CATSPERB: variants seen among roughly 807,000 people sequenced by gnomAD.
The protein encoded by CATSPERB is catsper channel auxiliary subunit beta.
In CATSPERB, 93 loss-of-function variants were observed where a neutral mutation model predicts 128.3. That is an observed-to-expected ratio of 0.72 (90% confidence interval 0.61 to 0.86). The LOEUF (loss-of-function observed/expected upper bound fraction) is 0.86. Ranked by LOEUF, CATSPERB falls within the 40% of genes least tolerant of loss-of-function variation. CATSPERB has a pLI of 0.00. For synonymous variants in CATSPERB, 381 were observed against 448.8 expected (o/e 0.85, Z 1.91); for missense variants, 1,153 against 1,329.5 (o/e 0.87, Z 2.06).
At chr14:91,727,851 T>C (rs945673627) in intron 2 of CATSPERB, among the ~76,000 whole-genome samples, 2 of 152,178 alleles carry the variant, frequency 1.3e-5, no homozygotes, top group Admixed American at 6.5e-5. Flanking sequence ...TTGTGCCACA[T>C]ATATTACTGT....
At position 91,693,136 on chromosome 14, in the gene CATSPERB, TG is replaced by T; in HGVS notation, c.820del (p.His274ThrfsTer19). On this transcript the variant is annotated frameshift_variant, in exon 9 of 27. Transcript: ENST00000256343. LOFTEE classifies it high-confidence loss of function. ...VSEDLRYPSR[H>X]SLSFSRADFC... is the part of the protein sequence containing the mutation. ...AAGCAATTTACATACCGATAAGCTG[TG>T]GCGTGATGGATAACGAAGATCTTCA... The T allele has an allele frequency of 6.2e-7, 1 of 1,608,074 alleles. No individual in the cohort carries two copies. Among genetic ancestry groups the T allele is most frequent in the Non-Finnish European group, 8.5e-7 (1 of 1,175,050 alleles).
chr14:91,675,313 C>G (rs1211039169), intron 11 of CATSPERB, among the ~76,000 whole-genome samples: 1 of 152,230 alleles, frequency 6.6e-6, no homozygotes, highest in Non-Finnish European at 1.5e-5. Context: ...ATACTTTAGT[C>G]TCAGGAAATC....
rs577117917 is a variant in CATSPERB, at chr14:91,713,861, C to T, written c.370+5557G>A. Among the ~76,000 whole-genome samples the T allele has an allele frequency of 2.0e-5, 3 of 152,212 alleles. No homozygotes were observed. The South Asian group carries it at 6.2e-4, about 32-fold the overall frequency. On this transcript the variant is annotated intron_variant, in intron 5 of 26. Transcript: ENST00000256343. Reference sequence around the variant, plus strand: ...CTCAGATACTAGAATGAAATAAAGACATTCCAAGAAAAGAAAATAAATCTC... The same window carrying T: ...CTCAGATACTAGAATGAAATAAAGATATTCCAAGAAAAGAAAATAAATCTC...
In CATSPERB at chr14:91,708,723, C is replaced by A. The variant is rs191420819; in HGVS notation, c.371-487G>T. Among the ~76,000 whole-genome samples the A allele has an allele frequency of 2.6e-4, 40 of 152,230 alleles. No individual in the cohort carries two copies. In the East Asian group the frequency reaches 6.9e-3, roughly 26 times the overall value. ...GAGAAGATTGAACAAATAGAAACAA[C>A]CTGCAAGGTGGTAGATTTTAATATA... is the stretch of plus-strand genomic sequence containing the variant. On this transcript the variant is annotated intron_variant, in intron 5 of 26. Transcript: ENST00000256343.
intron 5 of CATSPERB, among the ~76,000 whole-genome samples, chr14:91,714,190 C>G (rs989491453): frequency 6.7e-6 from 1 of 150,344 alleles, no homozygotes; most frequent in Non-Finnish European, 1.5e-5. Context: ...TGTTTTTTCC[C>G]TAAAACTGGA....
At chr14:91,596,711 A>G (rs975427594) in intron 22 of CATSPERB, among the ~76,000 whole-genome samples, 1 of 152,182 alleles carries the variant, frequency 6.6e-6, no homozygotes, top group Admixed American at 6.5e-5. Context: ...GGAGTTTCCT[A>G]TACATTTGGA....
At position 91,617,686 on chromosome 14, in the gene CATSPERB, T is replaced by A; in HGVS notation, c.2311A>T (p.Asn771Tyr). 6.2e-7 allele frequency: 1 copy of A among 1,601,428 alleles called. No individual in the cohort carries two copies. The highest frequency in any genetic ancestry group is 8.5e-7 in the Non-Finnish European group (1 of 1,175,542). The change falls in exon 20 of 27, where the codon AAT becomes TAT. Residue 771 changes from asparagine to tyrosine, a missense_variant. By Grantham distance (143) the Asn-to-Tyr change is moderately radical. Transcript: ENST00000256343. Reference sequence around the variant, plus strand: ...ACTTCAGCTGTAACTTCCAACAAATTAGGGTTTCCAACAAACACAGTCAGT... The same window carrying A: ...ACTTCAGCTGTAACTTCCAACAAATAAGGGTTTCCAACAAACACAGTCAGT... ...PLLTVFVGNP[N>Y]LLEVTAEVTF...
At chr14:91,636,882 G>T (rs1894385407) in intron 16 of CATSPERB, among the ~76,000 whole-genome samples, 1 of 152,166 alleles carries the variant, frequency 6.6e-6, no homozygotes, top group East Asian at 1.9e-4. Flanking sequence ...GGTGTGTGAG[G>T]AGCCTGGAGA....
chr14:91,659,853 A>G lies in CATSPERB; in HGVS notation c.1416T>C (p.Val472=), dbSNP rs1401380792. 1 of 1,605,606 alleles carries G rather than the reference A, an allele frequency of 6.2e-7. No individual in the cohort carries two copies. Among genetic ancestry groups the G allele is most frequent in the Admixed American group, 1.7e-5 (1 of 58,110 alleles). Residue 472 remains valine (V), a synonymous_variant, in exon 15 of 27, where the codon GTT becomes GTC. Transcript: ENST00000256343. ...AITFVSQRGK[V]YSTKAGMGRY... ...ATTTCTTACCTGCCTTTGTCGAGTA[A>G]ACCTTTCCACGTTGAGAAACAAAAG...
At chr14:91,705,894 G>T (rs957321944) in intron 6 of CATSPERB, among the ~76,000 whole-genome samples, 1 of 152,136 alleles carries the variant, frequency 6.6e-6, no homozygotes, top group Admixed American at 6.5e-5. Flanking sequence ...ATATGCAAAG[G>T]ATTGGAGCTA....
At chr14:91,725,600 TG>T (rs1374167811) in intron 2 of CATSPERB, among the ~76,000 whole-genome samples, 4 of 152,172 alleles carry the variant, frequency 2.6e-5, no homozygotes, top group Admixed American at 6.5e-5. Context: ...GAGGGTCTGT[TG>T]GGCACACTAA....
At chr14:91,666,806 A>G (rs1390854601) in intron 14 of CATSPERB, among the ~76,000 whole-genome samples, 5 of 152,156 alleles carry the variant, frequency 3.3e-5, no homozygotes, top group African/African-American at 1.2e-4. Flanking sequence ...TCAAATACGT[A>G]TGTGTGTGGC....
At chr14:91,702,499 C>T in intron 7 of CATSPERB, among the ~76,000 whole-genome samples, 1 of 151,598 alleles carries the variant, frequency 6.6e-6, no homozygotes. Context: ...TTTGTCTATC[C>T]CTATACTGAT....
At chr14:91,709,484 T>C (rs1373370752) in intron 5 of CATSPERB, 2 of 139,572 alleles carry the variant, frequency 1.4e-5, no homozygotes, top group African/African-American at 5.4e-5. Flanking sequence ...ATCGAGACCA[T>C]CCTGGCTATC....
In CATSPERB at chr14:91,639,225, T is replaced by G; in HGVS notation, c.1458A>C (p.Gly486=). The G allele has an allele frequency of 6.2e-7, 1 of 1,613,712 alleles. No homozygotes were observed. Among genetic ancestry groups the G allele is most frequent in the Non-Finnish European group, 8.5e-7 (1 of 1,179,802 alleles). Residue 486 remains glycine (G), a synonymous_variant, in exon 16 of 27, where the codon GGA becomes GGC. Coordinates refer to ENST00000256343, the MANE Select transcript of CATSPERB (RefSeq NM_024764.4). Reference sequence around the variant, plus strand: ...ATGTGAAAATTCTCTCAGTAACACTTCCGACTGCACTGTATCTTCCCATTC... The same window carrying G: ...ATGTGAAAATTCTCTCAGTAACACTGCCGACTGCACTGTATCTTCCCATTC... ...KAGMGRYSAV[G]SVTERIFTLY...
intron 7 of CATSPERB, among the ~76,000 whole-genome samples, chr14:91,693,975 C>G (rs1895515386): frequency 6.6e-6 from 1 of 152,152 alleles, no homozygotes; most frequent in African/African-American, 2.4e-5. Context: ...ATTAGTTCCC[C>G]TATATATTTT....
At chr14:91,599,881 G>A (rs1229460420) in intron 22 of CATSPERB, among the ~76,000 whole-genome samples, 1 of 152,206 alleles carries the variant, frequency 6.6e-6, no homozygotes, top group African/African-American at 2.4e-5. Flanking sequence ...ATCTCAGTGA[G>A]CAAAGGAGTG....
chr14:91,591,679 T>C (rs1893406138), intron 23 of CATSPERB, among the ~76,000 whole-genome samples: 1 of 152,062 alleles, frequency 6.6e-6, no homozygotes, highest in African/African-American at 2.4e-5. Context: ...GACAAGGTAG[T>C]GCAGGTATTA....
At position 91,580,874 on chromosome 14, in the gene CATSPERB, A is replaced by G. The variant is rs1893193496; in HGVS notation, c.*15T>C. 1.3e-6 allele frequency: 2 copies of G among 1,589,226 alleles called. No individual in the cohort carries two copies. Among genetic ancestry groups the G allele is most frequent in the South Asian group, 1.1e-5 (1 of 89,404 alleles). ...TAAAACTAGAAAATAAAGAGAAATT[A>G]TGATCACCATGTGTTCACTCTTCAG... On this transcript the variant is annotated 3_prime_UTR_variant, in exon 27 of 27. Transcript: ENST00000256343.
Sources: allele counts gnomAD v4.1 joint callset (sites outside exome capture counted in the v4.1 genomes callset), GRCh38; gene constraint gnomAD v4.1.1; transcripts MANE v1.5; gene names NCBI Gene and HGNC (gene_info 2026-07-23, HGNC 2026-07-21).